Variants in TRHDE observed in about 807,000 individuals in gnomAD.
TRHDE encodes thyrotropin-releasing hormone-degrading ectoenzyme.
Under a neutral mutation model 125.7 loss-of-function variants are expected in TRHDE, and 72 were observed. The observed-to-expected ratio is 0.57, with a 90% confidence interval of 0.47 to 0.70. TRHDE has a LOEUF of 0.70. Among genes scored for constraint, TRHDE ranks in the 30% least tolerant of loss-of-function variants. The pLI is 0.00. For missense variants in TRHDE, 1,110 were observed against 1,327.1 expected (o/e 0.84, Z 2.54); for synonymous variants, 509 against 509.1 (o/e 1.00, Z 0.00).
intron 2 of TRHDE, among the ~76,000 whole-genome samples, chr12:72,169,134 A>G (rs1278174871): frequency 6.6e-6 from 1 of 151,944 alleles, no homozygotes; most frequent in African/African-American, 2.4e-5. Flanking sequence ...TGTCAATGAA[A>G]CAGACTTTTT....
At chr12:72,521,007 A>T (rs553629722) in intron 6 of TRHDE, among the ~76,000 whole-genome samples, 2 of 152,326 alleles carry the variant, frequency 1.3e-5, no homozygotes, top group South Asian at 4.1e-4. Flanking sequence ...GCCCAGACTC[A>T]TAATAGCTCG....
chr12:72,430,749 A>G (rs1209644072), intron 3 of TRHDE, among the ~76,000 whole-genome samples: 1 of 151,972 alleles, frequency 6.6e-6, no homozygotes, highest in African/African-American at 2.4e-5. Flanking sequence ...CCTCAAATTA[A>G]CATATGAGTT....
At chr12:72,535,398 G>A (rs1169576008) in intron 6 of TRHDE, among the ~76,000 whole-genome samples, 4 of 152,076 alleles carry the variant, frequency 2.6e-5, no homozygotes, top group African/African-American at 7.2e-5. Context: ...TTGTCTCTAG[G>A]AGACAGTGAA....
chr12:72,290,203 T>C (rs1880035459), intron 2 of TRHDE, among the ~76,000 whole-genome samples: 2 of 152,166 alleles, frequency 1.3e-5, no homozygotes, highest in Non-Finnish European at 2.9e-5. Flanking sequence ...GCAGATACTG[T>C]GTGCATATAA....
intron 12 of TRHDE, among the ~76,000 whole-genome samples, chr12:72,595,527 A>G (rs1871901082): frequency 6.6e-6 from 1 of 152,070 alleles, no homozygotes; most frequent in Non-Finnish European, 1.5e-5. Flanking sequence ...TTCACTTTTT[A>G]TATTATTCTA....
chr12:72,133,155 T>G (rs1331533884), intron 2 of TRHDE, among the ~76,000 whole-genome samples: 1 of 152,180 alleles, frequency 6.6e-6, no homozygotes, highest in Non-Finnish European at 1.5e-5. Context: ...AGATTCATGC[T>G]TCAGAAAATA....
intron 2 of TRHDE, among the ~76,000 whole-genome samples, chr12:72,229,892 C>T (rs143582042): frequency 1.3e-5 from 2 of 152,202 alleles, no homozygotes; most frequent in African/African-American, 4.8e-5. Context: ...AGGTGAGATG[C>T]TAATACCATG....
chr12:72,617,902 C>A (rs933849672), intron 12 of TRHDE, among the ~76,000 whole-genome samples: 1 of 152,196 alleles, frequency 6.6e-6, no homozygotes, highest in Middle Eastern at 3.4e-3. Flanking sequence ...AAAGGCCCTA[C>A]CTCTGAATAG....
intron 7 of TRHDE, among the ~76,000 whole-genome samples, chr12:72,555,349 G>C (rs192467067): frequency 1.5e-4 from 23 of 152,074 alleles, no homozygotes; most frequent in Admixed American, 2.6e-4. Context: ...TCCTAAATCT[G>C]TCATCTCTTT....
At chr12:72,201,697 G>A (rs1347947037) in intron 2 of TRHDE, among the ~76,000 whole-genome samples, 1 of 152,102 alleles carries the variant, frequency 6.6e-6, no homozygotes, top group Non-Finnish European at 1.5e-5. Flanking sequence ...AACACAGGAG[G>A]GAAATGAAGC....
At chr12:72,491,268 C>T (rs185669532) in intron 5 of TRHDE, among the ~76,000 whole-genome samples, 4 of 151,734 alleles carry the variant, frequency 2.6e-5, no homozygotes, top group East Asian at 1.9e-4. Context: ...TTTTTTGGGC[C>T]GCGAGAATCA....
intron 2 of TRHDE, chr12:72,264,485 A>G (rs1190064522): frequency 6.6e-6 from 1 of 152,044 alleles, no homozygotes; most frequent in Non-Finnish European, 1.5e-5. Context: ...CACTTACGTT[A>G]TGCAAGATAA....
chr12:72,257,080 T>TG lies in TRHDE; in HGVS notation n.280-120914dup, dbSNP rs571020747. 334 of 152,306 alleles carry TG rather than the reference T, an allele frequency of 2.2e-3. 1 individual carries two copies. The highest frequency in any genetic ancestry group is 7.5e-3 in the African/African-American group (313 of 41,574). 9.4% of individuals were successfully genotyped at this position (152,306 alleles called of 1,614,324 possible). A position where few individuals can be genotyped will look rare whatever the true frequency, so the allele number is the denominator to read the frequency against. On this transcript the variant is annotated intron_variant and non_coding_transcript_variant, in intron 2 of 4. Transcript: ENST00000548156. The stretch of plus-strand genomic sequence containing the variant: ...GTGGCTTAATTTTTTTTATCATCTT[T>TG]GTTGTAATTGTTGTCATCTTTATGA...
At chr12:72,428,971 C>T (rs1056113627) in intron 3 of TRHDE, among the ~76,000 whole-genome samples, 2 of 151,940 alleles carry the variant, frequency 1.3e-5, no homozygotes, top group African/African-American at 4.8e-5. Flanking sequence ...TATAGATATA[C>T]CACGTTTTGT....
At chr12:72,302,950 G>A (rs1003482111) in intron 2 of TRHDE, among the ~76,000 whole-genome samples, 2 of 152,168 alleles carry the variant, frequency 1.3e-5, no homozygotes, top group African/African-American at 4.8e-5. Context: ...CACATCCGAT[G>A]TGACAACTGA....
chr12:72,603,212 T>C (rs1405744975), intron 12 of TRHDE, among the ~76,000 whole-genome samples: 1 of 152,090 alleles, frequency 6.6e-6, no homozygotes, highest in African/African-American at 2.4e-5. Context: ...ATTTTATAGA[T>C]TCAGGAGAAA....
intron 2 of TRHDE, among the ~76,000 whole-genome samples, chr12:72,189,174 A>G (rs536017891): frequency 5.9e-5 from 9 of 152,364 alleles, no homozygotes; most frequent in Admixed American, 4.6e-4. Flanking sequence ...GAGTGAAGAA[A>G]TCTGATCAAC....
chr12:72,271,904 C>G (rs1194899367), upstream of TRHDE: 3 of 456,380 alleles, frequency 6.6e-6, no homozygotes, highest in Admixed American at 4.7e-5. Context: ...GAGGGAGTCT[C>G]GCTGTCGGGT....
chr12:72,409,956 TA>T (rs1487794136), intron 3 of TRHDE, among the ~76,000 whole-genome samples: 2 of 151,816 alleles, frequency 1.3e-5, no homozygotes, highest in Non-Finnish European at 2.9e-5. Context: ...ACTATAAAAC[TA>T]TCAAAAAAGA....
Sources: gnomAD v4.1 joint callset for allele counts (sites outside exome capture counted in the v4.1 genomes callset) on GRCh38, gnomAD v4.1.1 for gene constraint, MANE v1.5 for transcripts, NCBI Gene and HGNC (gene_info 2026-07-23, HGNC 2026-07-21) for gene names.